AKAP13: variants seen among roughly 807,000 people sequenced by gnomAD.
The protein encoded by AKAP13 is A-kinase anchoring protein 13, also known as A-kinase anchor protein 13.
Under a neutral mutation model 264.5 loss-of-function variants are expected in AKAP13, and 80 were observed. The observed-to-expected ratio is 0.30, with a 90% CI of 0.25 to 0.36. The LOEUF (loss-of-function observed/expected upper bound fraction) is 0.36. Among genes scored for constraint, AKAP13 ranks in the 10% least tolerant of loss-of-function variants. The pLI is 1.00. For synonymous variants in AKAP13, 1,380 were observed against 1,250.2 expected (o/e 1.10, Z -2.19); for missense variants, 3,712 against 3,435.2 (o/e 1.08, Z -2.01).
chr15:85,444,966 G>A (rs900875450), intron 1 of AKAP13, among the ~76,000 whole-genome samples: 1 of 152,188 alleles, frequency 6.6e-6, no homozygotes, highest in South Asian at 2.1e-4. Context: ...AGTTGCAAAG[G>A]GGTCATGCAT....
chr15:85,630,301 C>T (rs887511729), intron 8 of AKAP13, among the ~76,000 whole-genome samples: 17 of 138,978 alleles, frequency 1.2e-4, no homozygotes, highest in African/African-American at 2.7e-4. Flanking sequence ...ATTGTAATTC[C>T]GGCCCAGTGT....
rs747292788 is a variant in AKAP13, at chr15:85,741,275, G to A, written c.7838G>A (p.Arg2613Gln). The stretch of plus-strand genomic sequence containing the variant: ...TGGGAAGCTCGTGAGAGGGAGCTGC[G>A]GGAGCGGGAGGCCCTCCTGGCCCAG... ...REWEARERELREREALLAQRE... is the reference protein window; with the variant it reads ...REWEARERELQEREALLAQRE... Residue 2613 changes from arginine to glutamine, a missense_variant, in exon 35 of 37, where the codon CGG (arginine) becomes CAG (glutamine). By Grantham distance (43) the Arg-to-Gln change is conservative. Coordinates refer to ENST00000394518, the MANE Select transcript of AKAP13 (RefSeq NM_007200.5). 5.0e-6 allele frequency: 8 copies of A among 1,610,036 alleles called. No individual in the cohort carries two copies. The highest frequency in any genetic ancestry group is 2.2e-5 in the East Asian group (1 of 44,682).
intron 5 of AKAP13, among the ~76,000 whole-genome samples, chr15:85,565,694 G>A (rs1263348625): frequency 6.6e-6 from 1 of 152,176 alleles, no homozygotes; most frequent in Non-Finnish European, 1.5e-5. Flanking sequence ...TGCTAGAATT[G>A]TAGAGCATTC....
chr15:85,596,424 C>T (rs1425351128), intron 8 of AKAP13, among the ~76,000 whole-genome samples: 5 of 151,904 alleles, frequency 3.3e-5, no homozygotes, highest in African/African-American at 1.2e-4. Flanking sequence ...TGGGCAAAAC[C>T]CTGTCTCTAC....
chr15:85,587,285 C>G (rs1182871640), intron 8 of AKAP13, among the ~76,000 whole-genome samples: 1 of 152,224 alleles, frequency 6.6e-6, no homozygotes, highest in Non-Finnish European at 1.5e-5. Flanking sequence ...TCCAGAACTT[C>G]ATGTAAATGG....
At chr15:85,564,957 C>T (rs1395672804) in intron 5 of AKAP13, among the ~76,000 whole-genome samples, 1 of 152,012 alleles carries the variant, frequency 6.6e-6, no homozygotes, top group Non-Finnish European at 1.5e-5. Context: ...AGAGACTGCT[C>T]CTGGAAGTGT....
intron 5 of AKAP13, among the ~76,000 whole-genome samples, chr15:85,554,515 G>A (rs2078070618): frequency 6.6e-6 from 1 of 152,038 alleles, no homozygotes; most frequent in African/African-American, 2.4e-5. Context: ...ATTTTGGAGG[G>A]TAAATTGTGG....
intron 5 of AKAP13, among the ~76,000 whole-genome samples, chr15:85,554,844 A>G (rs966566552): frequency 1.6e-4 from 25 of 152,212 alleles, no homozygotes; most frequent in Admixed American, 8.5e-4. Context: ...TAAGGAATCA[A>G]ACCAACTCTG....
intron 23 of AKAP13, among the ~76,000 whole-genome samples, chr15:85,721,681 G>A (rs2087294138): frequency 6.6e-6 from 1 of 152,220 alleles, no homozygotes; most frequent in Non-Finnish European, 1.5e-5. Context: ...ATGACAAATA[G>A]AAGTTAGAAT....
chr15:85,442,522 T>C (rs1282594471), intron 1 of AKAP13, among the ~76,000 whole-genome samples: 1 of 113,874 alleles, frequency 8.8e-6, no homozygotes, highest in African/African-American at 3.2e-5. Context: ...ATATATATTA[T>C]ATTATATATA....
chr15:85,643,829 G>A (rs766426305), intron 9 of AKAP13, among the ~76,000 whole-genome samples: 5 of 152,190 alleles, frequency 3.3e-5, no homozygotes, highest in Non-Finnish European at 7.3e-5. Flanking sequence ...ATGTATCTCA[G>A]ACGGTTTGAC....
At chr15:85,640,182 A>G (rs1374680801) in intron 9 of AKAP13, among the ~76,000 whole-genome samples, 2 of 152,212 alleles carry the variant, frequency 1.3e-5, no homozygotes, top group South Asian at 2.1e-4. Flanking sequence ...GTAAAGTGTT[A>G]GTAGCCTGTC....
At chr15:85,741,665 G>A (rs56412576) in intron 35 of AKAP13, among the ~76,000 whole-genome samples, 170 bp downstream of exon 35, 11,165 of 143,716 alleles carry the variant, frequency 0.078, 638 homozygotes, top group East Asian at 0.21. Flanking sequence ...AGCTTGACCA[G>A]CCTGGGCAAC....
intron 2 of AKAP13, among the ~76,000 whole-genome samples, chr15:85,486,821 C>G (rs182039005): frequency 1.7e-4 from 25 of 147,334 alleles, no homozygotes; most frequent in African/African-American, 6.3e-4. Flanking sequence ...TCACTGCGAG[C>G]TCCGCCTCCC....
At chr15:85,633,459 G>C (rs1287280032) in intron 8 of AKAP13, among the ~76,000 whole-genome samples, 1 of 149,602 alleles carries the variant, frequency 6.7e-6, no homozygotes, top group African/African-American at 2.4e-5. Flanking sequence ...TTATTTCACA[G>C]TAAGTAAAAT....
At chr15:85,561,273 G>T (rs1029827738) in intron 5 of AKAP13, among the ~76,000 whole-genome samples, 4 of 152,072 alleles carry the variant, frequency 2.6e-5, no homozygotes, top group African/African-American at 9.7e-5. Context: ...GGCCAGGCTG[G>T]TCTCGAACTC....
chr15:85,684,904 C>A, intron 16 of AKAP13, 31 bp downstream of exon 16: 2 of 1,610,234 alleles, frequency 1.2e-6, no homozygotes, highest in Non-Finnish European at 1.7e-6. Flanking sequence ...TGCTTGTGAT[C>A]ACCTCAGTAG....
chr15:85,585,334 C>T (rs1405646214), intron 7 of AKAP13, among the ~76,000 whole-genome samples: 3 of 152,138 alleles, frequency 2.0e-5, no homozygotes, highest in Non-Finnish European at 2.9e-5. Context: ...CCAAGATGGA[C>T]TACCTAGCTT....
intron 5 of AKAP13, among the ~76,000 whole-genome samples, chr15:85,567,140 G>A (rs956544011): frequency 1.3e-5 from 2 of 152,044 alleles, no homozygotes; most frequent in African/African-American, 2.4e-5. Context: ...ATGGAGTCTC[G>A]CTCTGTTGCC....
Sources: gnomAD v4.1 joint callset for allele counts (sites outside exome capture counted in the v4.1 genomes callset) on GRCh38, gnomAD v4.1.1 for gene constraint, MANE v1.5 for transcripts, NCBI Gene and HGNC (gene_info 2026-07-23, HGNC 2026-07-21) for gene names.